TMEM132D: variants seen among roughly 807,000 people sequenced by gnomAD.
TMEM132D encodes the protein transmembrane protein 132D.
In TMEM132D, 21 loss-of-function variants were observed where a neutral mutation model predicts 62.3. The observed-to-expected ratio is 0.34, with a 90% CI of 0.24 to 0.49. The LOEUF (loss-of-function observed/expected upper bound fraction) is 0.49. Among genes scored for constraint, TMEM132D ranks in the 20% least tolerant of loss-of-function variants. The probability of loss-of-function intolerance (pLI) is 0.99; values close to 1 mark genes in which losing one functional copy is unlikely to be tolerated. For synonymous variants in TMEM132D, 621 were observed against 575.6 expected, an observed-to-expected ratio of 1.08 and a Z score of -1.13; for missense variants, 1,346 against 1,402.8, an observed-to-expected ratio of 0.96 and a Z score of 0.65.
At position 129,827,044 on chromosome 12, in the gene TMEM132D, A is replaced by G. The variant is rs1007230122; in HGVS notation, c.79+76217T>C. ...TCTAAAAATTACACCATAATGAAATATGCAAAATACTAAATTATGAATTGA... is the reference window on the plus strand; with the variant it reads ...TCTAAAAATTACACCATAATGAAATGTGCAAAATACTAAATTATGAATTGA... On this transcript the variant is annotated intron_variant, in intron 1 of 8. Transcript: ENST00000422113. The surrounding 1 kb of genome is among the most constrained non-coding windows in gnomAD (Gnocchi z 9.7). 1.3e-5 allele frequency among the ~76,000 whole-genome samples: 2 copies of G among 152,246 alleles called. No individual in the cohort carries two copies. The highest frequency in any genetic ancestry group is 6.5e-5 in the Admixed American group (1 of 15,288).
chr12:129,647,015 G>T (rs994732676), intron 2 of TMEM132D, among the ~76,000 whole-genome samples: 3 of 151,672 alleles, frequency 2.0e-5, no homozygotes, highest in African/African-American at 7.3e-5. Flanking sequence ...GGCCAGGCTG[G>T]TCTCAAACCA....
intron 4 of TMEM132D, among the ~76,000 whole-genome samples, chr12:129,323,454 C>T (rs1264806571): frequency 6.6e-6 from 1 of 151,816 alleles, no homozygotes; most frequent in African/African-American, 2.4e-5. Flanking sequence ...AATTAACAAA[C>T]CAAAAAACCA....
chr12:129,152,777 C>G (rs1877111634), intron 5 of TMEM132D, among the ~76,000 whole-genome samples: 1 of 152,202 alleles, frequency 6.6e-6, no homozygotes, highest in South Asian at 2.1e-4. Flanking sequence ...CTCTCCCTTC[C>G]CCTGCTCCGC....
chr12:129,739,923 T>C (rs138283441), intron 1 of TMEM132D, among the ~76,000 whole-genome samples: 4 of 152,350 alleles, frequency 2.6e-5, no homozygotes, highest in African/African-American at 9.6e-5. Flanking sequence ...CCTTCTTTCA[T>C]TCTAAAGAAC....
chr12:129,685,776 CA>C (rs1880898225), intron 2 of TMEM132D, among the ~76,000 whole-genome samples: 1 of 152,188 alleles, frequency 6.6e-6, no homozygotes, highest in South Asian at 2.1e-4. Flanking sequence ...GTGTACCCTG[CA>C]AAGCCACAGG....
At chr12:129,821,289 A>G (rs931719215) in intron 1 of TMEM132D, among the ~76,000 whole-genome samples, 2 of 152,208 alleles carry the variant, frequency 1.3e-5, no homozygotes, top group South Asian at 4.1e-4. Context: ...AATTTCCTGG[A>G]GAATTCCACG....
chr12:129,209,420 C>A, intron 5 of TMEM132D, 100 bp downstream of exon 5: 5 of 1,429,142 alleles, frequency 3.5e-6, no homozygotes, highest in Non-Finnish European at 4.8e-6. Flanking sequence ...TCCTGTGGGA[C>A]CCAGAGGTCC....
Position 129,903,965 on chromosome 12 carries a change from C to T in TMEM132D, c.-626G>A, listed in dbSNP as rs1301530427. On this transcript the variant is annotated 5_prime_UTR_variant, in exon 1 of 9. Coordinates refer to ENST00000422113, the MANE Select transcript of TMEM132D (RefSeq NM_133448.3). The surrounding 1 kb of genome is among the most constrained non-coding windows in gnomAD (Gnocchi z 6.2). Reference sequence around the variant, plus strand: ...TGCGGCTGCTCCCCGGCCGCCGCCTCGGCCCGCCCGGCCCCGGGCCCGGCT... The same window carrying T: ...TGCGGCTGCTCCCCGGCCGCCGCCTTGGCCCGCCCGGCCCCGGGCCCGGCT... Among the ~76,000 whole-genome samples, 1 of 148,454 alleles carries T rather than the reference C, an allele frequency of 6.7e-6. No homozygotes were observed. The highest frequency in any genetic ancestry group is 1.5e-5 in the Non-Finnish European group (1 of 66,552).
At chr12:129,432,175 A>T (rs1404155979) in intron 3 of TMEM132D, among the ~76,000 whole-genome samples, 14 of 149,014 alleles carry the variant, frequency 9.4e-5, no homozygotes, top group African/African-American at 3.3e-4. Context: ...GGATGGATGG[A>T]TGGATGGATG....
At chr12:129,724,225 C>A (rs978653043) in intron 1 of TMEM132D, among the ~76,000 whole-genome samples, 2 of 152,216 alleles carry the variant, frequency 1.3e-5, no homozygotes, top group African/African-American at 4.8e-5. Flanking sequence ...AGCAACACTG[C>A]TCTTCATTTG....
chr12:129,452,339 C>G (rs1873319255), intron 3 of TMEM132D, among the ~76,000 whole-genome samples: 1 of 152,244 alleles, frequency 6.6e-6, no homozygotes, highest in South Asian at 2.1e-4. Context: ...AACTTACTTT[C>G]TAGTTGGTCA....
intron 1 of TMEM132D, among the ~76,000 whole-genome samples, chr12:129,765,167 C>G (rs1168220020): frequency 6.6e-6 from 1 of 152,140 alleles, no homozygotes; most frequent in Non-Finnish European, 1.5e-5. Flanking sequence ...TGTGGATTGT[C>G]TAGACTCTAG....
At chr12:129,605,180 C>G (rs1311923394) in intron 2 of TMEM132D, among the ~76,000 whole-genome samples, 1 of 151,976 alleles carries the variant, frequency 6.6e-6, no homozygotes, top group Non-Finnish European at 1.5e-5. Flanking sequence ...AGTTTGTGTT[C>G]TCCTGTGTGA....
At chr12:129,266,697 C>G (rs1880705453) in intron 4 of TMEM132D, among the ~76,000 whole-genome samples, 1 of 151,512 alleles carries the variant, frequency 6.6e-6, no homozygotes, top group Non-Finnish European at 1.5e-5. Context: ...GCCAATGAGA[C>G]CAACGTCTGT....
chr12:129,517,799 A>G (rs977267574), intron 3 of TMEM132D, among the ~76,000 whole-genome samples: 2 of 152,210 alleles, frequency 1.3e-5, no homozygotes, highest in African/African-American at 4.8e-5. Context: ...TCTATGTGGC[A>G]GGCATGGTTG....
At chr12:129,444,244 G>C (rs897899231) in intron 3 of TMEM132D, among the ~76,000 whole-genome samples, 16 of 152,128 alleles carry the variant, frequency 1.1e-4, no homozygotes, top group African/African-American at 3.9e-4. Flanking sequence ...TGTGACAAAA[G>C]CAAAAATTGA....
rs142605862 is a variant in TMEM132D at position 129,552,451 on chromosome 12, C to G, written c.969-21246G>C. Among the ~76,000 whole-genome samples the G allele has an allele frequency of 4.4e-3, 667 of 152,150 alleles. 5 individuals are homozygous for G. The highest frequency in any genetic ancestry group is 0.015 in the African/African-American group (627 of 41,522). ...AGCATCTATCCATCTACCTACCTAC[C>G]TAGCATCTGTTTATATTCATTATCT... On this transcript the variant is annotated intron_variant, in intron 2 of 8. Coordinates refer to ENST00000422113, the MANE Select transcript of TMEM132D (RefSeq NM_133448.3).
At chr12:129,268,164 C>T (rs545690533) in intron 4 of TMEM132D, among the ~76,000 whole-genome samples, 204 of 152,198 alleles carry the variant, frequency 1.3e-3, no homozygotes, top group Middle Eastern at 3.4e-3. Context: ...CAATGGCAAC[C>T]AAAGCCAAAA....
At chr12:129,266,167 C>A (rs1880689246) in intron 4 of TMEM132D, among the ~76,000 whole-genome samples, 1 of 152,094 alleles carries the variant, frequency 6.6e-6, no homozygotes, top group Non-Finnish European at 1.5e-5. Context: ...CTTTACTGAC[C>A]AAGAAGCAGC....
Sources: gnomAD v4.1 joint callset for allele counts (sites outside exome capture counted in the v4.1 genomes callset) on GRCh38, gnomAD v4.1.1 for gene constraint, Gnocchi (gnomAD v3.1) non-coding constraint, MANE v1.5 for transcripts, NCBI Gene and HGNC (gene_info 2026-07-23, HGNC 2026-07-21) for gene names.